CAD: variants seen among roughly 807,000 people sequenced by gnomAD.
CAD encodes the protein carbamoyl-phosphate synthetase 2, aspartate transcarbamylase, and dihydroorotase, also known as multifunctional protein CAD.
A neutral mutation model predicts 237.2 loss-of-function variants in CAD; 81 were observed. The ratio of observed to expected loss-of-function variants is 0.34; its 90% CI spans 0.29 to 0.41. The LOEUF is 0.41. Among genes scored for constraint, CAD ranks in the 10% least tolerant of loss-of-function variants. The pLI, the probability that CAD is intolerant of heterozygous loss-of-function variation, is 1.00. For synonymous variants in CAD, 1,196 were observed against 1,162.8 expected (o/e 1.03, Z -0.58); for missense variants, 2,181 against 2,951.7 (o/e 0.74, Z 6.05).
At position 27,237,035 on chromosome 2, in the gene CAD, T is replaced by A. The variant is rs545803464; in HGVS notation, c.4396+205T>A. ...CTGAGGAATTTTTTTTTTTTTTTTT[T>A]TTTTGAGACAGAGTCTTACTCCATC... is the stretch of plus-strand genomic sequence containing the variant. On this transcript the variant is annotated intron_variant, in intron 27 of 43. Transcript: ENST00000264705. The surrounding 1 kb of genome is among the most constrained non-coding windows in gnomAD (Gnocchi z 4.0). Among the ~76,000 whole-genome samples the A allele has an allele frequency of 6.6e-6, 1 of 151,212 alleles. No homozygotes were observed. The highest frequency in any genetic ancestry group is 1.9e-4 in the East Asian group (1 of 5,148).
In CAD at chr2:27,234,560, C is replaced by T. The variant is rs779435994; in HGVS notation, c.3661C>T (p.Arg1221Cys). ...KVIECNVRVS[R>C]SFPFVSKTLG... ...TATTGAATGCAACGTACGTGTCTCT[C>T]GCTCCTTCCCCTTCGTTTCCAAGAC... Residue 1221 changes from arginine to cysteine, a missense_variant, in exon 23 of 44, where the codon CGC (arginine) becomes TGC (cysteine). This residue lies in a region of CAD where 306 missense variants were observed against 607.9 expected (regional missense o/e 0.50). Coordinates refer to ENST00000264705, the MANE Select transcript of CAD (RefSeq NM_004341.5). The T allele has an allele frequency of 6.2e-7, 1 of 1,614,026 alleles. No homozygotes were observed. Among genetic ancestry groups the T allele is most frequent in the Admixed American group, 1.7e-5 (1 of 60,016 alleles).
chr2:27,228,054 C>T (rs1303578995), intron 15 of CAD, among the ~76,000 whole-genome samples: 1 of 152,204 alleles, frequency 6.6e-6, no homozygotes, highest in East Asian at 1.9e-4. Context: ...CAAAATCAGT[C>T]ACACTACTGT....
In CAD at chr2:27,241,336, C is replaced by T; in HGVS notation, c.5823C>T (p.Phe1941=). ...CTCTTTCTTAGATGTCTCACCTGTT[C>T]AATGTGGCACACACACTGCGTATGA... ...QFTKDQMSHL[F]NVAHTLRMMV... is the part of the protein sequence containing the mutation. The change falls in exon 38 of 44, where the codon TTC becomes TTT. Residue 1941 remains phenylalanine, a synonymous_variant. Transcript: ENST00000264705. The surrounding 1 kb of genome is among the most constrained non-coding windows in gnomAD (Gnocchi z 4.6). 6.2e-7 allele frequency: 1 copy of T among 1,614,174 alleles called. No homozygotes were observed. Among genetic ancestry groups the T allele is most frequent in the Non-Finnish European group, 8.5e-7 (1 of 1,180,022 alleles).
rs1409706234 is a variant in CAD, at chr2:27,241,752, TG to T, written c.5884-157del. On this transcript the variant is annotated intron_variant, in intron 38 of 43. Coordinates refer to ENST00000264705, the MANE Select transcript of CAD (RefSeq NM_004341.5). The surrounding 1 kb of genome is among the most constrained non-coding windows in gnomAD (Gnocchi z 4.6). ...AGCCTTTAGCTCAGAGTGACACCAG[TG>T]GTGGAAACGTCAAGGCTCTGACAGG... Among the ~76,000 whole-genome samples the T allele has an allele frequency of 1.3e-5, 2 of 152,144 alleles. No homozygotes were observed. Among genetic ancestry groups the T allele is most frequent in the Non-Finnish European group, 2.9e-5 (2 of 68,028 alleles).
rs1481265981 is a variant in CAD, at chr2:27,240,180, C to G, written c.5497-85C>G. Reference sequence around the variant, plus strand: ...TGCTTGAACCCAGAAGGTCACGCCACTGCACTCCAGCCTGAGCGACAGAAC... The same window carrying G: ...TGCTTGAACCCAGAAGGTCACGCCAGTGCACTCCAGCCTGAGCGACAGAAC... On this transcript the variant is annotated intron_variant, in intron 34 of 43. Coordinates refer to ENST00000264705, the MANE Select transcript of CAD (RefSeq NM_004341.5). This position sits in a 1 kb window ranked among gnomAD's most constrained non-coding sequence, Gnocchi z 4.6. 1.6e-5 allele frequency: 18 copies of G among 1,135,822 alleles called. No homozygotes were observed. The allele number at this position is 1,135,822 out of a possible 1,614,324, so 70.4% of individuals were successfully genotyped here. A position where few individuals can be genotyped will look rare whatever the true frequency, so the allele number is the denominator to read the frequency against.
Position 27,242,677 on chromosome 2 carries a change from C to T in CAD, c.6280C>T (p.Leu2094Phe), listed in dbSNP as rs1676377139. Residue 2094 changes from leucine to phenylalanine, a missense_variant, in exon 41 of 44, where the codon CTC becomes TTC. Leu to Phe is a conservative substitution (Grantham distance 22). Transcript: ENST00000264705. This position sits in a 1 kb window ranked among gnomAD's most constrained non-coding sequence, Gnocchi z 6.4. ...GRTVHSLACLLTQYRVSLRYV... is the reference protein window; with the variant it reads ...GRTVHSLACLFTQYRVSLRYV... ...CACAGTACATTCCCTGGCCTGCCTG[C>T]TCACCCAGTATCGTGTCAGCCTGCG... is the stretch of plus-strand genomic sequence containing the variant. The T allele has an allele frequency of 1.9e-6, 3 of 1,613,684 alleles. No individual in the cohort carries two copies. Among genetic ancestry groups the T allele is most frequent in the Non-Finnish European group, 2.5e-6 (3 of 1,179,688 alleles).
chr2:27,238,087 T>C lies in CAD; in HGVS notation c.4760T>C (p.Ile1587Thr), dbSNP rs370372528. ...GAGACATGGCCCTCCCACCTCCCCA[T>C]TGTGGCTCACGCAGAGCAGCAAACC... ...HFETWPSHLP[I>T]VAHAEQQTVA... Residue 1587 changes from isoleucine to threonine, a missense_variant, in exon 30 of 44, where the codon ATT becomes ACT. Physicochemically the swap from Ile to Thr is moderately conservative, Grantham distance 89 (BLOSUM62 -1). Coordinates refer to ENST00000264705, the MANE Select transcript of CAD (RefSeq NM_004341.5). 8 of 1,614,180 alleles carry C rather than the reference T, an allele frequency of 5.0e-6. No individual in the cohort carries two copies. The East Asian group carries it at 8.9e-5, about 18-fold the overall frequency.
At chr2:27,222,052 T>C in intron 3 of CAD, 142 bp from the exon 4 acceptor site, 2 of 740,366 alleles carry the variant, frequency 2.7e-6, no homozygotes, top group Admixed American at 5.0e-5. Context: ...AGTATACTTC[T>C]GTCACAATGG....
rs763286841 is a variant in CAD at position 27,242,968 on chromosome 2, G to A, written c.6475G>A (p.Glu2159Lys). 5.6e-6 allele frequency: 9 copies of A among 1,596,046 alleles called. No individual in the cohort carries two copies. The highest frequency in any genetic ancestry group is 2.7e-5 in the African/African-American group (2 of 74,670). Residue 2159 changes from glutamate to lysine, a missense_variant, in exon 42 of 44, where the codon GAA becomes AAA. By Grantham distance (56) the Glu-to-Lys change is moderately conservative. This residue lies in a region of CAD where 170 missense variants were observed against 212.1 expected (regional missense o/e 0.80). Coordinates refer to ENST00000264705, the MANE Select transcript of CAD (RefSeq NM_004341.5). This position sits in a 1 kb window ranked among gnomAD's most constrained non-coding sequence, Gnocchi z 6.4. ...KERFGSTQEYEACFGQFILTP... is the reference protein window; with the variant it reads ...KERFGSTQEYKACFGQFILTP... ...ACGATTTGGCTCTACCCAGGAGTAC[G>A]AAGCTGTGAGTGCTGGGCTTGAGGA... is the stretch of plus-strand genomic sequence containing the variant.
chr2:27,220,039 T>C (rs903348679), intron 2 of CAD, among the ~76,000 whole-genome samples: 3 of 152,162 alleles, frequency 2.0e-5, no homozygotes, highest in Admixed American at 1.3e-4. Flanking sequence ...TTTATATGGG[T>C]GTTACCTTGT....
rs775739345 is a variant in CAD, at chr2:27,240,680, A to T, written c.5594-231A>T. 57 of 1,502,868 alleles carry T rather than the reference A, an allele frequency of 3.8e-5. No homozygotes were observed. Among genetic ancestry groups the T allele is most frequent in the Non-Finnish European group, 5.1e-5 (57 of 1,107,610 alleles). The allele number at this position is 1,502,868 out of a possible 1,614,324, so 93.1% of individuals were successfully genotyped here. On this transcript the variant is annotated intron_variant, in intron 35 of 43. Transcript: ENST00000264705. The surrounding 1 kb of genome is among the most constrained non-coding windows in gnomAD (Gnocchi z 4.6). The stretch of plus-strand genomic sequence containing the variant: ...TCCTCTTGCCTAGGATGCCTTTGCC[A>T]ACTGGGAGAGCCCCGGGAGGGCACC...
Position 27,217,492 on chromosome 2 carries a change from G to A in CAD, c.-60G>A. The A allele has an allele frequency of 7.1e-7, 1 of 1,401,070 alleles. No individual in the cohort carries two copies. The highest frequency in any genetic ancestry group is 1.9e-5 in the Admixed American group (1 of 52,692). The allele number at this position is 1,401,070 out of a possible 1,614,324, so 86.8% of individuals were successfully genotyped here. On this transcript the variant is annotated 5_prime_UTR_variant, in exon 1 of 44. In the 5' UTR this introduces an upstream ATG that the reference lacks. Transcript: ENST00000264705. ...GGCGCGCCGTCCTCACGTGGTTCCAGTGGAGTTTGCAGTCCTTCCCGCTTC... is the reference window on the plus strand; with the variant it reads ...GGCGCGCCGTCCTCACGTGGTTCCAATGGAGTTTGCAGTCCTTCCCGCTTC...
Position 27,242,178 on chromosome 2 carries a change from G to A in CAD, c.6096+55G>A. The A allele has an allele frequency of 6.3e-7, 1 of 1,594,948 alleles. No individual in the cohort carries two copies. Among genetic ancestry groups the A allele is most frequent in the Non-Finnish European group, 8.6e-7 (1 of 1,167,068 alleles). ...TTAAGAAGGCTGGACCCAGGGGCAT[G>A]AGAACCCTTCTGCCCACGTTTTCTG... On this transcript the variant is annotated intron_variant, in intron 39 of 43. Coordinates refer to ENST00000264705, the MANE Select transcript of CAD (RefSeq NM_004341.5). This position sits in a 1 kb window ranked among gnomAD's most constrained non-coding sequence, Gnocchi z 6.4.
intron 2 of CAD, among the ~76,000 whole-genome samples, chr2:27,219,209 A>G (rs886774444): frequency 6.6e-6 from 1 of 152,244 alleles, no homozygotes; most frequent in African/African-American, 2.4e-5. Context: ...ATCCCTGGAC[A>G]GTCTCAGAAT....
rs1675478470 is a variant in CAD at position 27,227,081 on chromosome 2, A to G, written c.2287+119A>G. On this transcript the variant is annotated intron_variant, in intron 15 of 43. Transcript: ENST00000264705. ...TGGGAGCAGGTGCTTGAGACATTTC[A>G]AACTAAGATTATAGTCCTTGTCAGG... 3 of 831,398 alleles carry G rather than the reference A, an allele frequency of 3.6e-6. No individual in the cohort carries two copies. The East Asian group carries it at 7.4e-5, about 20-fold the overall frequency. The allele number at this position is 831,398 out of a possible 1,614,324, so 51.5% of individuals were successfully genotyped here.
chr2:27,226,022 C>A lies in CAD; in HGVS notation c.1842+96C>A, dbSNP rs888641917. On this transcript the variant is annotated intron_variant, in intron 12 of 43. Coordinates refer to ENST00000264705, the MANE Select transcript of CAD (RefSeq NM_004341.5). Reference sequence around the variant, plus strand: ...CAAGGTCTTTGAGAGTTGTATGTCCCTCAGACCCAGGTTAGGTGCAGCCCC... The same window carrying A: ...CAAGGTCTTTGAGAGTTGTATGTCCATCAGACCCAGGTTAGGTGCAGCCCC... The A allele has an allele frequency of 5.7e-5, 85 of 1,491,166 alleles. No individual in the cohort carries two copies. In the South Asian group the frequency reaches 6.7e-4, roughly 12 times the overall value. 92.4% of individuals were successfully genotyped at this position (1,491,166 alleles called of 1,614,324 possible). A position where few individuals can be genotyped will look rare whatever the true frequency, so the allele number is the denominator to read the frequency against.
At position 27,224,832 on chromosome 2, in the gene CAD, G is replaced by A. The variant is rs769331637; in HGVS notation, c.1342G>A (p.Asp448Asn). The A allele has an allele frequency of 1.2e-6, 2 of 1,614,132 alleles. No homozygotes were observed. The highest frequency in any genetic ancestry group is 1.7e-6 in the Non-Finnish European group (2 of 1,180,000). The change falls in exon 10 of 44, where the codon GAC (aspartate) becomes AAC (asparagine). Residue 448 changes from aspartate (D) to asparagine (N), a missense_variant. By Grantham distance (23) the Asp-to-Asn change is conservative. Coordinates refer to ENST00000264705, the MANE Select transcript of CAD (RefSeq NM_004341.5). ...AGTGCAGACCTCCCAGGGGCTGGCC[G>A]ACAAGGTCTATTTTCTTCCCATAAC... The part of the protein sequence containing the change: ...ATVQTSQGLA[D>N]KVYFLPITPH...
chr2:27,232,373 C>A lies in CAD; in HGVS notation c.2646-75C>A, dbSNP rs934075073. 115 of 1,592,038 alleles carry A rather than the reference C, an allele frequency of 7.2e-5. 2 individuals carry two copies. The Admixed American group carries it at 1.8e-3, about 25-fold the overall frequency. On this transcript the variant is annotated intron_variant, in intron 17 of 43. Coordinates refer to ENST00000264705, the MANE Select transcript of CAD (RefSeq NM_004341.5). This position sits in a 1 kb window ranked among gnomAD's most constrained non-coding sequence, Gnocchi z 4.1. ...CCAAGGATATTTCCTCTCATCTGTG[C>A]CCTGGGGTCTCAACCCTCTATCAGT...
In CAD at chr2:27,235,447, C is replaced by T; in HGVS notation, c.3969+20C>T. On this transcript the variant is annotated intron_variant, in intron 24 of 43. Coordinates refer to ENST00000264705, the MANE Select transcript of CAD (RefSeq NM_004341.5). The surrounding 1 kb of genome is among the most constrained non-coding windows in gnomAD (Gnocchi z 5.2). ...TATAAGGTATCAGAATCCAGGAGGG[C>T]TTCCCGAGGGCCGTGGCTCCCTGGG... The T allele has an allele frequency of 6.2e-7, 1 of 1,607,924 alleles. No homozygotes were observed. Among genetic ancestry groups the T allele is most frequent in the South Asian group, 1.1e-5 (1 of 90,472 alleles).
Sources: allele counts gnomAD v4.1 joint callset (sites outside exome capture counted in the v4.1 genomes callset), GRCh38; gene constraint gnomAD v4.1.1; regional missense constraint gnomAD v4.1.1; non-coding constraint Gnocchi (gnomAD v3.1); transcripts MANE v1.5; gene names NCBI Gene and HGNC (gene_info 2026-07-23, HGNC 2026-07-21).